CADM2: variants seen among roughly 807,000 people sequenced by gnomAD.
CADM2 encodes the protein cell adhesion molecule 2.
CADM2 carries 12 observed loss-of-function variants against 49.8 expected under a neutral mutation model. That is an observed-to-expected ratio of 0.24 (90% CI 0.15 to 0.39). The LOEUF (loss-of-function observed/expected upper bound fraction) is 0.39. Among genes scored for constraint, CADM2 ranks in the 10% least tolerant of loss-of-function variants. The pLI, the probability that CADM2 is intolerant of heterozygous loss-of-function variation, is 1.00. For missense variants in CADM2, 378 were observed against 492.3 expected (o/e 0.77, Z 2.20); for synonymous variants, 214 against 175.4 (o/e 1.22, Z -1.74).
intron 1 of CADM2, among the ~76,000 whole-genome samples, chr3:85,287,887 A>G (rs1039920549): frequency 6.7e-6 from 1 of 149,834 alleles, no homozygotes; most frequent in Non-Finnish European, 1.5e-5. Flanking sequence ...TATAGGTGGA[A>G]ACTGAACAAT....
At chr3:85,450,652 A>AT (rs1215048196) in intron 1 of CADM2, among the ~76,000 whole-genome samples, 1 of 151,960 alleles carries the variant, frequency 6.6e-6, no homozygotes, top group Non-Finnish European at 1.5e-5. Context: ...AAATCTTGTG[A>AT]TTTTCAGAAA....
At chr3:85,365,730 C>T (rs185621362) in intron 1 of CADM2, among the ~76,000 whole-genome samples, 3 of 152,256 alleles carry the variant, frequency 2.0e-5, no homozygotes, top group East Asian at 3.9e-4. Context: ...ATTTCAAGCA[C>T]ACATGCAGAC....
intron 1 of CADM2, among the ~76,000 whole-genome samples, chr3:85,668,742 A>G (rs2065649789): frequency 6.6e-6 from 1 of 152,054 alleles, no homozygotes; most frequent in South Asian, 2.1e-4. Context: ...TTCTTTTGTA[A>G]ATTGCCCAGT....
In CADM2 at chr3:85,334,867, TG is replaced by T. The variant is rs1330300245; in HGVS notation, c.61+375200del. On this transcript the variant is annotated intron_variant, in intron 1 of 9. Coordinates refer to ENST00000383699, the MANE Select transcript of CADM2 (RefSeq NM_001167675.2). ...CTCAATCATTATGTAGTTTTTATATTGAGAGTGAAAAAAATAATATGAAACT... is the reference window on the plus strand; with the variant it reads ...CTCAATCATTATGTAGTTTTTATATTAGAGTGAAAAAAATAATATGAAACT... Among the ~76,000 whole-genome samples, 5 of 151,486 alleles carry T rather than the reference TG, an allele frequency of 3.3e-5. No individual in the cohort carries two copies. In the East Asian group the frequency reaches 9.7e-4, roughly 29 times the overall value.
chr3:85,099,028 G>A (rs1376463839), intron 1 of CADM2, among the ~76,000 whole-genome samples: 2 of 152,096 alleles, frequency 1.3e-5, no homozygotes, highest in African/African-American at 4.8e-5. Context: ...AATACAATAT[G>A]TAATCAAACA....
chr3:85,579,076 A>G, intron 1 of CADM2, among the ~76,000 whole-genome samples: 1 of 152,202 alleles, frequency 6.6e-6, no homozygotes, highest in East Asian at 1.9e-4. Flanking sequence ...GAGTAAATAA[A>G]TAAATAAAAG....
At chr3:85,307,839 T>A (rs531723526) in intron 1 of CADM2, among the ~76,000 whole-genome samples, 1 of 151,810 alleles carries the variant, frequency 6.6e-6, no homozygotes, top group Non-Finnish European at 1.5e-5. Context: ...TATTGTTATT[T>A]GTTTCACAGC....
In CADM2 at chr3:85,819,699, T is replaced by C. The variant is rs150957033; in HGVS notation, c.238+17503T>C. The stretch of plus-strand genomic sequence containing the variant: ...ATAGTCATATTAATTCACTATATCA[T>C]TACAGTTTGATGTTATATGCATGAC... On this transcript the variant is annotated intron_variant, in intron 3 of 9. Transcript: ENST00000383699. 2.7e-3 allele frequency among the ~76,000 whole-genome samples: 411 copies of C among 152,254 alleles called. 1 individual carries two copies. The highest frequency in any genetic ancestry group is 9.0e-3 in the African/African-American group (375 of 41,566).
At chr3:85,543,086 G>A (rs1166692520) in intron 1 of CADM2, among the ~76,000 whole-genome samples, 1 of 152,122 alleles carries the variant, frequency 6.6e-6, no homozygotes, top group Non-Finnish European at 1.5e-5. Flanking sequence ...TCCATAAGCT[G>A]TGTTACTTCC....
chr3:85,881,462 C>T (rs541394628), intron 3 of CADM2, among the ~76,000 whole-genome samples: 20 of 151,918 alleles, frequency 1.3e-4, no homozygotes, highest in Non-Finnish European at 2.6e-4. Flanking sequence ...TTTTATTATA[C>T]GCTGAACATT....
chr3:85,092,110 A>G (rs2037619095), intron 1 of CADM2, among the ~76,000 whole-genome samples: 1 of 152,174 alleles, frequency 6.6e-6, no homozygotes, highest in Non-Finnish European at 1.5e-5. Flanking sequence ...ATAAAGCTTT[A>G]TAAAGAAGCC....
rs553065681 is a variant in CADM2, at chr3:85,604,871, G to A, written c.62-121651G>A. Among the ~76,000 whole-genome samples, 15 of 151,952 alleles carry A rather than the reference G, an allele frequency of 9.9e-5. No individual in the cohort carries two copies. The South Asian group carries it at 1.9e-3, about 19-fold the overall frequency. ...ACAGCTGTGATACATGCCACTTTAC[G>A]CTTATATCATCATATAATAGATGGC... On this transcript the variant is annotated intron_variant, in intron 1 of 9. Transcript: ENST00000383699.
intron 1 of CADM2, among the ~76,000 whole-genome samples, chr3:85,117,223 A>C (rs966377671): frequency 1.4e-5 from 2 of 138,766 alleles, no homozygotes; most frequent in Admixed American, 1.4e-4. Context: ...TCAGTCTCAA[A>C]AAAAGAAAAA....
chr3:85,701,972 A>T (rs746518813), intron 1 of CADM2, among the ~76,000 whole-genome samples: 1 of 10,052 alleles, frequency 9.9e-5, no homozygotes, highest in African/African-American at 4.7e-4. Context: ...ATAGATAGAC[A>T]TAGATAGATA....
intron 1 of CADM2, among the ~76,000 whole-genome samples, chr3:85,653,955 A>G (rs1404003148): frequency 6.6e-6 from 1 of 152,260 alleles, no homozygotes; most frequent in Non-Finnish European, 1.5e-5. Context: ...TGATAAGGGA[A>G]TGATGAATGA....
At chr3:85,406,327 C>T (rs902083938) in intron 1 of CADM2, among the ~76,000 whole-genome samples, 1 of 151,920 alleles carries the variant, frequency 6.6e-6, no homozygotes, top group Non-Finnish European at 1.5e-5. Flanking sequence ...TGAGAAGATA[C>T]TATATTTTTA....
chr3:85,374,165 A>G (rs534296527), intron 1 of CADM2, among the ~76,000 whole-genome samples: 1 of 152,112 alleles, frequency 6.6e-6, no homozygotes, highest in African/African-American at 2.4e-5. Flanking sequence ...ATACCAAACC[A>G]TATCTTTATA....
intron 1 of CADM2, among the ~76,000 whole-genome samples, chr3:85,676,051 G>A (rs1303005131): frequency 1.3e-5 from 2 of 152,214 alleles, no homozygotes; most frequent in African/African-American, 2.4e-5. Flanking sequence ...GAAGTAGCCA[G>A]CACTTGCTGG....
intron 2 of CADM2, among the ~76,000 whole-genome samples, chr3:85,734,676 T>C (rs944630305): frequency 3.4e-5 from 5 of 147,876 alleles, no homozygotes; most frequent in Non-Finnish European, 6.0e-5. Context: ...ATATAATATG[T>C]ATATTTTAAA....
Sources: gnomAD v4.1 joint callset for allele counts (sites outside exome capture counted in the v4.1 genomes callset) on GRCh38, gnomAD v4.1.1 for gene constraint, MANE v1.5 for transcripts, NCBI Gene and HGNC (gene_info 2026-07-23, HGNC 2026-07-21) for gene names.